PHYKPL: variants seen among roughly 807,000 people sequenced by gnomAD.
PHYKPL encodes the protein 5-phosphohydroxy-L-lysine phospho-lyase, also known as 5-phosphonooxy-L-lysine phospho-lyase.
A neutral mutation model predicts 51.3 loss-of-function variants in PHYKPL; 42 were observed. The ratio of observed to expected loss-of-function variants is 0.82; its 90% confidence interval spans 0.64 to 1.06. The LOEUF is 1.06. PHYKPL is among the 50% of genes least tolerant of loss of function. PHYKPL has a pLI of 0.00. For missense variants in PHYKPL, 655 were observed against 586.6 expected (o/e 1.12, Z -1.20); for synonymous variants, 264 against 236.0 (o/e 1.12, Z -1.09).
chr5:178,227,626 T>C (rs1470975144), intron 3 of PHYKPL, among the ~76,000 whole-genome samples: 3 of 152,156 alleles, frequency 2.0e-5, no homozygotes, highest in African/African-American at 7.2e-5. Context: ...TGGGGAGACA[T>C]GCAGGGGACA....
intron 1 of PHYKPL, 44 bp downstream of exon 1, chr5:178,232,434 TGCGCGTGCCTCTCC>T: frequency 7.3e-7 from 1 of 1,374,418 alleles, no homozygotes; most frequent in Non-Finnish European, 9.3e-7. Context: ...GCGTCGTGCG[TGCGCGTGCCTCTCC>T]GCGCAGCCCC....
intron 8 of PHYKPL, among the ~76,000 whole-genome samples, chr5:178,220,282 T>C (rs1295383657): frequency 6.6e-6 from 1 of 151,314 alleles, no homozygotes; most frequent in Non-Finnish European, 1.5e-5. Context: ...GCGGATTACC[T>C]GAGGTCAGGA....
chr5:178,213,945 T>C (rs1400571269), intron 10 of PHYKPL, among the ~76,000 whole-genome samples: 2 of 152,168 alleles, frequency 1.3e-5, no homozygotes, highest in Non-Finnish European at 2.9e-5. Context: ...CCCAGGGTAT[T>C]GTGAGACACG....
chr5:178,232,126 G>C, intron 1 of PHYKPL: 1 of 1,193,180 alleles, frequency 8.4e-7, no homozygotes, highest in South Asian at 1.8e-5. Flanking sequence ...AGGTGCTGCT[G>C]ACGGGCCACC....
intron 10 of PHYKPL, 58 bp downstream of exon 10, chr5:178,214,736 CAA>C (rs2113746574): frequency 6.7e-7 from 1 of 1,497,160 alleles, no homozygotes; most frequent in East Asian, 2.3e-5. Flanking sequence ...ACTGGCCCTG[CAA>C]AGAGGTACCT....
intron 8 of PHYKPL, among the ~76,000 whole-genome samples, chr5:178,218,142 G>A (rs1324722757): frequency 1.6e-5 from 2 of 124,422 alleles, no homozygotes; most frequent in East Asian, 2.2e-4. Flanking sequence ...GCATGAACCC[G>A]GGAGGCGGAG....
At position 178,209,838 on chromosome 5, in the gene PHYKPL, C is replaced by T. The variant is rs1344804108; in HGVS notation, c.*32-923G>A. 3.3e-5 allele frequency among the ~76,000 whole-genome samples: 5 copies of T among 152,138 alleles called. No homozygotes were observed. In the East Asian group the frequency reaches 9.6e-4, roughly 29 times the overall value. On this transcript the variant is annotated intron_variant, in intron 12 of 12. Coordinates refer to ENST00000308158, the MANE Select transcript of PHYKPL (RefSeq NM_153373.4). ...CCCTCTGACTCCAAAGCCTGAACTG[C>T]ATCTTTTTAAAGGCTAAGCTGCCAA...
chr5:178,210,690 T>C (rs1323173639), intron 12 of PHYKPL: 5 of 1,273,368 alleles, frequency 3.9e-6, no homozygotes, highest in Admixed American at 1.7e-5. Flanking sequence ...AACACAATTA[T>C]GTACCAAATT....
At chr5:178,207,499 T>C (rs1041626213), downstream of PHYKPL, among the ~76,000 whole-genome samples, 4 of 152,108 alleles carry the variant, frequency 2.6e-5, no homozygotes, top group Non-Finnish European at 5.9e-5. Flanking sequence ...CTTTAGCTCC[T>C]CACTTAAAGC....
At chr5:178,214,697 T>G in intron 10 of PHYKPL, 99 bp downstream of exon 10, 1 of 1,082,634 alleles carries the variant, frequency 9.2e-7, no homozygotes, top group Admixed American at 1.9e-5. Context: ...TGGCCCAGAG[T>G]GCTGGGGGTA....
chr5:178,229,691 A>C, intron 3 of PHYKPL: 1 of 436,888 alleles, frequency 2.3e-6, no homozygotes, highest in Non-Finnish European at 4.1e-6. Flanking sequence ...ATAAAGGAAC[A>C]TATTACCTCA....
chr5:178,227,527 C>T (rs1762528636), intron 3 of PHYKPL, among the ~76,000 whole-genome samples: 2 of 152,102 alleles, frequency 1.3e-5, no homozygotes, highest in Non-Finnish European at 2.9e-5. Context: ...GCTCCAAGGC[C>T]TTGTGAAGGA....
chr5:178,209,417 C>G (rs760645357), intron 12 of PHYKPL: 1 of 1,614,052 alleles, frequency 6.2e-7, no homozygotes, highest in East Asian at 2.2e-5. Flanking sequence ...CCGAGGGAAC[C>G]GAGGCAGCGG....
intron 12 of PHYKPL, chr5:178,210,032 C>T: frequency 1.3e-6 from 2 of 1,528,570 alleles, no homozygotes; most frequent in Admixed American, 2.1e-5. Flanking sequence ...GCCTGAGTTG[C>T]CACAGTAACC....
At chr5:178,224,795 A>G in intron 4 of PHYKPL, 66 bp from the exon 5 acceptor site, 1 of 1,290,668 alleles carries the variant, frequency 7.7e-7, no homozygotes, top group African/African-American at 1.5e-5. Context: ...CAGTCTGACC[A>G]TCGTCTCCCC....
intron 12 of PHYKPL, chr5:178,210,436 G>T: frequency 6.6e-7 from 1 of 1,510,144 alleles, no homozygotes. Context: ...TTAATAACAT[G>T]AGGAAGGCAG....
At chr5:178,210,071 C>A in intron 12 of PHYKPL, 1 of 1,586,602 alleles carries the variant, frequency 6.3e-7, no homozygotes, top group Non-Finnish European at 8.5e-7. Flanking sequence ...GGATTTCCTC[C>A]ATCCTAGCTC....
intron 6 of PHYKPL, chr5:178,223,484 G>T (rs542758650): frequency 2.2e-6 from 1 of 456,252 alleles, no homozygotes; most frequent in South Asian, 1.5e-5. Flanking sequence ...GACCCCTTCT[G>T]CATATGGCAA....
At chr5:178,229,691 A>G (rs1229883167) in intron 3 of PHYKPL, 3 of 436,770 alleles carry the variant, frequency 6.9e-6, no homozygotes, top group Non-Finnish European at 1.2e-5. Flanking sequence ...ATAAAGGAAC[A>G]TATTACCTCA....
Sources: gnomAD v4.1 joint callset for allele counts (sites outside exome capture counted in the v4.1 genomes callset) on GRCh38, gnomAD v4.1.1 for gene constraint, MANE v1.5 for transcripts, NCBI Gene and HGNC (gene_info 2026-07-23, HGNC 2026-07-21) for gene names.